The following MGAM variants were observed in gnomAD, a reference collection of about 807,000 sequenced individuals.
MGAM encodes the protein alpha-1,4-glucosidase.
Under a neutral mutation model 358.8 loss-of-function variants are expected in MGAM, and 253 were observed. The observed-to-expected ratio is 0.71, with a 90% CI of 0.64 to 0.78. The LOEUF is 0.78. Among genes scored for constraint, MGAM ranks in the 30% least tolerant of loss-of-function variants. The pLI is 0.00. For missense variants in MGAM, 3,080 were observed against 3,432.6 expected, an observed-to-expected ratio of 0.90 and a Z score of 2.57; for synonymous variants, 1,105 against 1,227.1, an observed-to-expected ratio of 0.90 and a Z score of 2.08.
chr7:142,057,236 G>A (rs148242025), intron 30 of MGAM, among the ~76,000 whole-genome samples: 9 of 152,030 alleles, frequency 5.9e-5, no homozygotes, highest in South Asian at 2.1e-4. Flanking sequence ...AGGGGCTGAC[G>A]GTGGTGATAG....
intron 70 of MGAM, among the ~76,000 whole-genome samples, chr7:142,104,025 T>A (rs562011272): frequency 6.6e-6 from 1 of 152,136 alleles, no homozygotes; most frequent in Non-Finnish European, 1.5e-5. Context: ...GCTAATTTTT[T>A]GTATTTTTAG....
chr7:142,073,749 C>A (rs1039203131), intron 44 of MGAM, among the ~76,000 whole-genome samples: 4 of 145,958 alleles, frequency 2.7e-5, no homozygotes, highest in African/African-American at 9.7e-5. Context: ...TCTGACTGAA[C>A]CAGTTATTGC....
rs1248651160 is a variant in MGAM, at chr7:142,052,309, G to A, written c.2821G>A (p.Asp941Asn). The change falls in exon 25 of 71, where the codon GAT becomes AAT. Residue 941 changes from aspartate to asparagine, a missense_variant. Asp to Asn is a conservative substitution (Grantham distance 23, BLOSUM62 1). Transcript: ENST00000475668. ...ATTCCTACAGGTTGCCATTATCACA[G>A]ATATTGATCTTCTCCTGGGAGAAGC... ...DSNLKVAIIT[D>N]IDLLLGEAYT... 2.5e-6 allele frequency: 4 copies of A among 1,605,092 alleles called. No homozygotes were observed. The African/African-American group carries it at 5.4e-5, about 21-fold the overall frequency.
chr7:142,080,784 G>A lies in MGAM; in HGVS notation c.5848-7G>A, dbSNP rs1409605686. On this transcript the variant is annotated splice_region_variant and splice_polypyrimidine_tract_variant and intron_variant, in intron 49 of 70. Coordinates refer to ENST00000475668, the MANE Select transcript of MGAM (RefSeq NM_001365693.1). ...TTCTTGCCTAAAATCGTTTTCCTCT[G>A]GCCTAGATTTATGATCCCAACAACA... The A allele has an allele frequency of 1.3e-6, 2 of 1,550,356 alleles. No individual in the cohort carries two copies. The highest frequency in any genetic ancestry group is 2.7e-5 in the African/African-American group (2 of 74,508).
chr7:142,061,789 T>C (rs1414298568), intron 34 of MGAM, among the ~76,000 whole-genome samples: 1 of 152,166 alleles, frequency 6.6e-6, no homozygotes. Context: ...TTCTAAGTGG[T>C]GTGAACCCAC....
chr7:142,002,519 G>A (rs1804814183), intron 1 of MGAM, among the ~76,000 whole-genome samples: 1 of 151,854 alleles, frequency 6.6e-6, no homozygotes, highest in African/African-American at 2.4e-5. Context: ...ATAAAATCCA[G>A]CATTCCTTCA....
Position 142,005,624 on chromosome 7 carries a change from G to T in MGAM, c.94G>T (p.Val32Leu), listed in dbSNP as rs1554452108. The change falls in exon 2 of 71, where the codon GTG becomes TTG. Residue 32 changes from valine to leucine, a missense_variant. This residue lies in a region of MGAM where 1,816 missense variants were observed against 1,840.5 expected (regional missense o/e 0.99). Transcript: ENST00000475668. ...VLFIISIVLI[V>L]LLAKESLKST... ...GTTTATCATCAGTATTGTTCTAATTGTGCTTTTAGCCAAAGAGTCACTGAA... is the reference window on the plus strand; with the variant it reads ...GTTTATCATCAGTATTGTTCTAATTTTGCTTTTAGCCAAAGAGTCACTGAA... 2 of 1,598,750 alleles carry T rather than the reference G, an allele frequency of 1.3e-6. No homozygotes were observed.
At position 142,065,472 on chromosome 7, in the gene MGAM, C is replaced by A. The variant is rs112708443; in HGVS notation, c.4618+4C>A. ...CAGCTGAAGAAGTCTATCATTGGTG[C>A]GTGGGTCCTTCCCCAGGGCCTTTGC... On this transcript the variant is annotated splice_donor_region_variant and intron_variant, in intron 38 of 70. Coordinates refer to ENST00000475668, the MANE Select transcript of MGAM (RefSeq NM_001365693.1). 57,433 of 1,612,386 alleles carry A rather than the reference C, an allele frequency of 0.036. 2,266 individuals are homozygous for A. The highest frequency in any genetic ancestry group is 0.2 in the African/African-American group (14,694 of 74,946).
Position 142,074,181 on chromosome 7 carries a change from C to CTGTTACAAT in MGAM, c.5275+9_5275+17dup, listed in dbSNP as rs533054947. 4,762 of 1,509,446 alleles carry CTGTTACAAT rather than the reference C, an allele frequency of 3.2e-3. 716 individuals carry two copies. The highest frequency in any genetic ancestry group is 3.7e-3 in the Non-Finnish European group (4,088 of 1,099,754). 93.5% of individuals were successfully genotyped at this position (1,509,446 alleles called of 1,614,324 possible). On this transcript the variant is annotated intron_variant, in intron 45 of 70. Transcript: ENST00000475668. ...ATGATGGGCAAACAAAGGGTGAGCG[C>CTGTTACAAT]TGTTACAATAATGTTGCTGTTTCCC...
At chr7:142,051,650 T>A (rs1810963072) in intron 24 of MGAM, among the ~76,000 whole-genome samples, 1 of 152,158 alleles carries the variant, frequency 6.6e-6, no homozygotes, top group Non-Finnish European at 1.5e-5. Flanking sequence ...ATATAATGTT[T>A]TTTTCAACTT....
Position 142,005,693 on chromosome 7 carries a change from T to C in MGAM, c.127+36T>C, listed in dbSNP as rs200617018. ...ACTCTGGGGCTCTCTCCATATGTTGTTTTTATTAGAGCAAACCTTCAACAA... is the reference window on the plus strand; with the variant it reads ...ACTCTGGGGCTCTCTCCATATGTTGCTTTTATTAGAGCAAACCTTCAACAA... On this transcript the variant is annotated intron_variant, in intron 2 of 70. Coordinates refer to ENST00000475668, the MANE Select transcript of MGAM (RefSeq NM_001365693.1). 4 of 1,579,412 alleles carry C rather than the reference T, an allele frequency of 2.5e-6. No homozygotes were observed. The East Asian group carries it at 6.8e-5, about 27-fold the overall frequency.
chr7:142,045,879 GTAAT>G, intron 21 of MGAM, among the ~76,000 whole-genome samples: 1 of 108,370 alleles, frequency 9.2e-6, no homozygotes, highest in African/African-American at 3.8e-5. Context: ...CATACAATAT[GTAAT>G]ATATATATTA....
chr7:142,054,360 C>T (rs1373010902), intron 26 of MGAM, among the ~76,000 whole-genome samples: 2 of 152,298 alleles, frequency 1.3e-5, no homozygotes, highest in Admixed American at 6.5e-5. Flanking sequence ...TCAGCAAGGA[C>T]ATTCTGATTA....
chr7:142,085,753 A>G (rs1445671776), intron 54 of MGAM, 80 bp from the exon 55 acceptor site: 1 of 1,451,316 alleles, frequency 6.9e-7, no homozygotes, highest in Non-Finnish European at 9.4e-7. Flanking sequence ...GAATTCCACC[A>G]TGGGTGGTGG....
At chr7:142,083,609 A>C (rs1171744990) in intron 53 of MGAM, among the ~76,000 whole-genome samples, 196 bp downstream of exon 53, 1 of 146,662 alleles carries the variant, frequency 6.8e-6, no homozygotes, top group Non-Finnish European at 1.5e-5. Flanking sequence ...GCAGAATAGC[A>C]GAAGTTACAG....
chr7:142,059,086 G>C (rs755703142), intron 31 of MGAM, among the ~76,000 whole-genome samples: 1 of 152,082 alleles, frequency 6.6e-6, no homozygotes, highest in Non-Finnish European at 1.5e-5. Context: ...TATTAGTCCT[G>C]GATAATTAAC....
At chr7:142,026,893 T>A (rs193004365) in intron 8 of MGAM, among the ~76,000 whole-genome samples, 1 of 152,222 alleles carries the variant, frequency 6.6e-6, no homozygotes, top group Admixed American at 6.5e-5. Context: ...GACACTCCAG[T>A]CAGTATTATT....
chr7:142,050,821 C>CA lies in MGAM; in HGVS notation c.2764dup (p.Ser922LysfsTer10). ...GTTACAGTGAAACACAATGGTGTCCCAAGTCAGACTTCTCCTACAGTCACT... is the reference window on the plus strand; with the variant it reads ...GTTACAGTGAAACACAATGGTGTCCCAAAGTCAGACTTCTCCTACAGTCACT... On this transcript the variant is annotated frameshift_variant, in exon 24 of 71. Coordinates refer to ENST00000475668, the MANE Select transcript of MGAM (RefSeq NM_001365693.1). LOFTEE classifies it high-confidence loss of function. The CA allele has an allele frequency of 6.2e-7, 1 of 1,613,720 alleles. No individual in the cohort carries two copies. Among genetic ancestry groups the CA allele is most frequent in the Non-Finnish European group, 8.5e-7 (1 of 1,179,712 alleles).
At position 142,082,500 on chromosome 7, in the gene MGAM, AC is replaced by A; in HGVS notation, c.6201del (p.Tyr2068ThrfsTer5). ...TACAAGAAGAATTCCTATGGTGTCC[AC>A]CCCTACTACATGGGGCTAGAGGAGG... is the stretch of plus-strand genomic sequence containing the variant. ...PGYKKNSYGV[H>X]PYYMGLEEDG... On this transcript the variant is annotated frameshift_variant, in exon 52 of 71. Transcript: ENST00000475668. LOFTEE classifies it high-confidence loss of function. The A allele has an allele frequency of 6.5e-7, 1 of 1,533,596 alleles. No homozygotes were observed. The allele number at this position is 1,533,596 out of a possible 1,614,324, so 95.0% of individuals were successfully genotyped here.
Sources: allele counts gnomAD v4.1 joint callset (sites outside exome capture counted in the v4.1 genomes callset), GRCh38; gene constraint gnomAD v4.1.1; regional missense constraint gnomAD v4.1.1; transcripts MANE v1.5; gene names NCBI Gene and HGNC (gene_info 2026-07-23, HGNC 2026-07-21).